The following SLC36A1 variants were observed in gnomAD, a reference collection of about 807,000 sequenced individuals.
The protein encoded by SLC36A1 is solute carrier family 36 member 1.
Under a neutral mutation model 47.5 loss-of-function variants are expected in SLC36A1, and 30 were observed. The observed-to-expected ratio is 0.63, with a 90% CI of 0.47 to 0.86. The LOEUF (loss-of-function observed/expected upper bound fraction) is 0.86, where lower values mean the gene tolerates loss of function less well. Among genes scored for constraint, SLC36A1 ranks in the 40% least tolerant of loss-of-function variants. SLC36A1 has a pLI of 0.00. For missense variants in SLC36A1, 517 were observed against 606.0 expected (o/e 0.85, Z 1.54); for synonymous variants, 255 against 249.7 (o/e 1.02, Z -0.20).
chr5:151,520,897 T>C, the SLC36A1 span, among the ~76,000 whole-genome samples: 1 of 152,212 alleles, frequency 6.6e-6, no homozygotes, highest in Non-Finnish European at 1.5e-5. Flanking sequence ...TACATAGTAC[T>C]GATGTAATTC....
chr5:151,463,795 C>T (rs1755940845), intron 3 of SLC36A1, 152 bp downstream of exon 3: 1 of 663,130 alleles, frequency 1.5e-6, no homozygotes, highest in Non-Finnish European at 2.7e-6. Context: ...CATTCATTCA[C>T]TTAAAGATAT....
chr5:151,481,846 T>C (rs1758842038), intron 10 of SLC36A1, among the ~76,000 whole-genome samples: 1 of 152,218 alleles, frequency 6.6e-6, no homozygotes, highest in Admixed American at 6.5e-5. Context: ...TTTTTGGAAA[T>C]GCGGACTTAG....
the SLC36A1 span, among the ~76,000 whole-genome samples, chr5:151,357,263 G>A: frequency 6.6e-6 from 1 of 152,226 alleles, no homozygotes; most frequent in Non-Finnish European, 1.5e-5. Context: ...AGCGGTGGTT[G>A]TGTGATAATA....
At chr5:151,409,938 G>A in the SLC36A1 span, among the ~76,000 whole-genome samples, 1 of 152,162 alleles carries the variant, frequency 6.6e-6, no homozygotes, top group Non-Finnish European at 1.5e-5. Flanking sequence ...TCCAGGTTTT[G>A]GGGAAATAAC....
Position 151,448,791 on chromosome 5 carries a change from G to T in SLC36A1, c.-6+978G>T, listed in dbSNP as rs1753196796. ...CAGGATATTTTGTCCTAGCTCTGCC[G>T]CTTACCTGGCAACCTTAAGTGACTC... On this transcript the variant is annotated intron_variant, in intron 1 of 10. Transcript: ENST00000243389. 1.3e-5 allele frequency among the ~76,000 whole-genome samples: 2 copies of T among 152,198 alleles called. 1 individual carries two copies. The highest frequency in any genetic ancestry group is 4.1e-4 in the South Asian group (2 of 4,828).
intron 10 of SLC36A1, 24 bp downstream of exon 10, chr5:151,479,513 T>C: frequency 6.2e-7 from 1 of 1,602,598 alleles, no homozygotes; most frequent in Non-Finnish European, 8.5e-7. Flanking sequence ...GATAATTGCC[T>C]TGCTTGTTTT....
At chr5:151,531,517 A>G in the SLC36A1 span, 3 of 1,587,218 alleles carry the variant, frequency 1.9e-6, no homozygotes, top group African/African-American at 2.7e-5. The surrounding 1 kb of genome is among the most constrained non-coding windows in gnomAD (Gnocchi z 5.7). Flanking sequence ...ATACCCACAC[A>G]GGGGAGGAAC....
At chr5:151,409,307 T>TG in the SLC36A1 span, among the ~76,000 whole-genome samples, 3 of 151,364 alleles carry the variant, frequency 2.0e-5, no homozygotes, top group African/African-American at 4.9e-5. Context: ...CTGGTTGGGG[T>TG]GGGGGGGATA....
At chr5:151,465,306 C>A in intron 5 of SLC36A1, 137 bp downstream of exon 5, 1 of 718,554 alleles carries the variant, frequency 1.4e-6, no homozygotes. Context: ...TGGCTCAGCT[C>A]TGCTGGTAGT....
chr5:151,473,173 T>G (rs964091327), intron 7 of SLC36A1, among the ~76,000 whole-genome samples: 8 of 136,782 alleles, frequency 5.8e-5, no homozygotes, highest in Admixed American at 3.0e-4. Flanking sequence ...AGACTCTGTC[T>G]CTAGATAGAT....
At chr5:151,512,665 A>C in the SLC36A1 span, 1 of 1,416,598 alleles carries the variant, frequency 7.1e-7, no homozygotes, top group Non-Finnish European at 9.6e-7. This position sits in a 1 kb window ranked among gnomAD's most constrained non-coding sequence, Gnocchi z 4.1. Flanking sequence ...AAACCTGCTA[A>C]GAGGCTGCCA....
the SLC36A1 span, among the ~76,000 whole-genome samples, chr5:151,542,077 C>T: frequency 6.6e-6 from 1 of 152,208 alleles, no homozygotes; most frequent in Non-Finnish European, 1.5e-5. Context: ...CTAGAAATTA[C>T]AGATCTTACC....
chr5:151,437,648 T>G (rs1759848850), intron 1 of SLC36A1, among the ~76,000 whole-genome samples: 1 of 152,210 alleles, frequency 6.6e-6, no homozygotes, highest in Non-Finnish European at 1.5e-5. Context: ...AATATAATTA[T>G]TTTACTGTTT....
At chr5:151,357,124 A>T in the SLC36A1 span, among the ~76,000 whole-genome samples, 499 of 152,346 alleles carry the variant, frequency 3.3e-3, 4 homozygotes, top group Non-Finnish European at 5.5e-3. Context: ...GCCCATGTGT[A>T]GTGGTAGACA....
At chr5:151,365,763 G>A in the SLC36A1 span, among the ~76,000 whole-genome samples, 1 of 152,220 alleles carries the variant, frequency 6.6e-6, no homozygotes, top group Non-Finnish European at 1.5e-5. Context: ...GAACCTAGAT[G>A]TCCTTTTCTG....
At chr5:151,406,964 C>T in the SLC36A1 span, among the ~76,000 whole-genome samples, 1 of 152,316 alleles carries the variant, frequency 6.6e-6, no homozygotes, top group East Asian at 1.9e-4. Flanking sequence ...GGTTCGTGGT[C>T]TTGCTGACTT....
At chr5:151,513,707 C>T in the SLC36A1 span, among the ~76,000 whole-genome samples, 4 of 151,690 alleles carry the variant, frequency 2.6e-5, no homozygotes, top group Admixed American at 6.6e-5. Flanking sequence ...ATCGGTTACC[C>T]GTATAACAAA....
chr5:151,445,698 C>T (rs565643176), upstream of SLC36A1, among the ~76,000 whole-genome samples: 44 of 152,306 alleles, frequency 2.9e-4, no homozygotes, highest in African/African-American at 1.1e-3. Context: ...CTTTCCATTT[C>T]TTCCTGATTT....
At chr5:151,515,284 C>A in the SLC36A1 span, among the ~76,000 whole-genome samples, 3 of 152,198 alleles carry the variant, frequency 2.0e-5, no homozygotes, top group African/African-American at 7.2e-5. Context: ...TTTGTTGAAT[C>A]CCCTCTTCCC....
Sources: allele counts gnomAD v4.1 joint callset (sites outside exome capture counted in the v4.1 genomes callset), GRCh38; gene constraint gnomAD v4.1.1; non-coding constraint Gnocchi (gnomAD v3.1); transcripts MANE v1.5; gene names NCBI Gene and HGNC (gene_info 2026-07-23, HGNC 2026-07-21).